Variants in SFMBT1 observed in about 807,000 individuals in gnomAD.
SFMBT1 encodes the protein Scm like with four mbt domains 1, also known as scm-like with four MBT domains protein 1.
SFMBT1 carries 32 observed loss-of-function variants against 108.7 expected under a neutral mutation model. The ratio of observed to expected loss-of-function variants is 0.29; its 90% CI spans 0.22 to 0.40. SFMBT1 has a LOEUF of 0.40. Among genes scored for constraint, SFMBT1 ranks in the 10% least tolerant of loss-of-function variants. SFMBT1 has a pLI of 1.00. For missense variants in SFMBT1, 816 were observed against 1,059.6 expected, an observed-to-expected ratio of 0.77 and a Z score of 3.19; for synonymous variants, 348 against 369.5, an observed-to-expected ratio of 0.94 and a Z score of 0.67.
intron 10 of SFMBT1, among the ~76,000 whole-genome samples, chr3:52,922,056 T>C (rs1046360915): frequency 6.6e-6 from 1 of 152,232 alleles, no homozygotes; most frequent in Non-Finnish European, 1.5e-5. Context: ...ATTCCTGCAT[T>C]ATTGCTACTT....
chr3:52,920,526 TAGAC>T lies in SFMBT1; in HGVS notation c.1372+7_1372+10del, dbSNP rs1702489295. 1.2e-6 allele frequency: 2 copies of T among 1,600,482 alleles called. No homozygotes were observed. Among genetic ancestry groups the T allele is most frequent in the Non-Finnish European group, 1.7e-6 (2 of 1,168,732 alleles). On this transcript the variant is annotated splice_region_variant and intron_variant, in intron 12 of 20. Transcript: ENST00000394752. ...AACAATCAATCCTCTAACCCAGAAA[TAGAC>T]AGATACCTCGTGCTCGGCGAGGAGT...
At chr3:52,953,128 A>C (rs1703651210) in intron 3 of SFMBT1, among the ~76,000 whole-genome samples, 1 of 152,242 alleles carries the variant, frequency 6.6e-6, no homozygotes, top group Admixed American at 6.5e-5. Flanking sequence ...TTTAGAATTA[A>C]TTATTCTGTG....
At chr3:52,942,029 A>G (rs988196975) in intron 4 of SFMBT1, among the ~76,000 whole-genome samples, 2 of 152,180 alleles carry the variant, frequency 1.3e-5, no homozygotes, top group East Asian at 3.8e-4. Context: ...GAGGCAGGAT[A>G]ATCACTTGAG....
At chr3:52,954,159 T>C (rs1343029395) in intron 3 of SFMBT1, among the ~76,000 whole-genome samples, 158 bp downstream of exon 3, 2 of 151,984 alleles carry the variant, frequency 1.3e-5, no homozygotes, top group Non-Finnish European at 2.9e-5. Context: ...ATAAAGAATA[T>C]GGCAAGTGTT....
rs941828204 is a variant in SFMBT1 at position 52,984,316 on chromosome 3, A to C, written c.-130-15058T>G. On this transcript the variant is annotated intron_variant, in intron 1 of 20. Transcript: ENST00000394752. ...TAATTACTATCTGTGTAGTGTCTCC[A>C]ATTTATAAGCTTTTTTTCACCCACG... is the stretch of plus-strand genomic sequence containing the variant. 2.0e-5 allele frequency among the ~76,000 whole-genome samples: 3 copies of C among 152,278 alleles called. No homozygotes were observed. The East Asian group carries it at 5.8e-4, about 29-fold the overall frequency.
chr3:52,979,550 C>T (rs1246111382), intron 1 of SFMBT1, among the ~76,000 whole-genome samples: 1 of 152,222 alleles, frequency 6.6e-6, no homozygotes, highest in Non-Finnish European at 1.5e-5. Flanking sequence ...CTTCCACCCA[C>T]ATTCCACTAA....
At chr3:52,983,751 G>A (rs1704807280) in intron 1 of SFMBT1, among the ~76,000 whole-genome samples, 1 of 152,154 alleles carries the variant, frequency 6.6e-6, no homozygotes, top group African/African-American at 2.4e-5. Context: ...ACAGTGGTTG[G>A]AACAAAATGA....
chr3:52,998,244 T>C (rs1193025575), intron 1 of SFMBT1, among the ~76,000 whole-genome samples: 1 of 149,522 alleles, frequency 6.7e-6, no homozygotes, highest in African/African-American at 2.4e-5. Context: ...TACAAAAAAT[T>C]TGCCGGGCGT....
chr3:53,035,521 A>G (rs541849816), intron 1 of SFMBT1, among the ~76,000 whole-genome samples: 180 of 152,362 alleles, frequency 1.2e-3, no homozygotes, highest in African/African-American at 4.2e-3. Context: ...CAAAACAAAA[A>G]CAGTAAAACT....
chr3:52,961,505 T>C (rs1703960749), intron 2 of SFMBT1, among the ~76,000 whole-genome samples: 2 of 152,078 alleles, frequency 1.3e-5, no homozygotes, highest in Non-Finnish European at 2.9e-5. Flanking sequence ...TGTACATGAT[T>C]GTGCCTGTGA....
intron 2 of SFMBT1, among the ~76,000 whole-genome samples, chr3:52,959,521 A>G (rs1559527062): frequency 1.3e-5 from 2 of 152,166 alleles, no homozygotes. Flanking sequence ...GCCATTCTTT[A>G]ATCATACTCT....
At chr3:53,036,262 C>A (rs139005937) in intron 1 of SFMBT1, among the ~76,000 whole-genome samples, 3 of 152,292 alleles carry the variant, frequency 2.0e-5, no homozygotes, top group African/African-American at 7.2e-5. Flanking sequence ...TGCCGTGGGA[C>A]AGGATGCTGG....
At chr3:52,912,106 A>T (rs1029248748) in intron 16 of SFMBT1, among the ~76,000 whole-genome samples, 1 of 152,238 alleles carries the variant, frequency 6.6e-6, no homozygotes, top group Non-Finnish European at 1.5e-5. Flanking sequence ...CCTTCACCAC[A>T]AATAGCTGAA....
At chr3:53,009,794 C>A (rs1698881064) in intron 1 of SFMBT1, among the ~76,000 whole-genome samples, 1 of 151,864 alleles carries the variant, frequency 6.6e-6, no homozygotes, top group Non-Finnish European at 1.5e-5. Flanking sequence ...TGTATTCTTA[C>A]AATAAAATAA....
chr3:52,975,061 G>T (rs764990314), intron 1 of SFMBT1, among the ~76,000 whole-genome samples: 5 of 149,022 alleles, frequency 3.4e-5, no homozygotes, highest in Admixed American at 6.7e-5. Context: ...CCCAACACAG[G>T]GCAAATCCAT....
At chr3:53,003,771 A>AG (rs1410177631) in intron 1 of SFMBT1, among the ~76,000 whole-genome samples, 10 of 129,484 alleles carry the variant, frequency 7.7e-5, no homozygotes, top group African/African-American at 1.4e-4. Flanking sequence ...AAAAAAAAAA[A>AG]AAAAGAAAAG....
chr3:52,983,811 T>C (rs1291108604), intron 1 of SFMBT1, among the ~76,000 whole-genome samples: 2 of 152,224 alleles, frequency 1.3e-5, no homozygotes, highest in Non-Finnish European at 2.9e-5. Flanking sequence ...CAGGGAGTCA[T>C]ATTTTATATG....
intron 1 of SFMBT1, among the ~76,000 whole-genome samples, chr3:52,969,804 T>TA (rs1489914603): frequency 1.3e-5 from 2 of 152,128 alleles, no homozygotes; most frequent in Non-Finnish European, 2.9e-5. Context: ...ATTCTTTTTT[T>TA]AAAAAACAGC....
At chr3:53,002,554 T>C (rs1437687023) in intron 1 of SFMBT1, among the ~76,000 whole-genome samples, 1 of 150,276 alleles carries the variant, frequency 6.7e-6, no homozygotes, top group Non-Finnish European at 1.5e-5. Flanking sequence ...TTGAATAAAC[T>C]AAGTGCTCAC....
Sources: allele counts gnomAD v4.1 joint callset (sites outside exome capture counted in the v4.1 genomes callset), GRCh38; gene constraint gnomAD v4.1.1; transcripts MANE v1.5; gene names NCBI Gene and HGNC (gene_info 2026-07-23, HGNC 2026-07-21).